Variants in USP54 observed in about 807,000 individuals in gnomAD.
USP54 encodes ubiquitin carboxyl-terminal hydrolase 54.
USP54 carries 87 observed loss-of-function variants against 170.5 expected under a neutral mutation model. The ratio of observed to expected loss-of-function variants is 0.51; its 90% CI spans 0.43 to 0.61. The LOEUF (loss-of-function observed/expected upper bound fraction) is 0.61. Among genes scored for constraint, USP54 ranks in the 20% least tolerant of loss-of-function variants. USP54 has a pLI of 0.00. For synonymous variants in USP54, 655 were observed against 742.8 expected, an observed-to-expected ratio of 0.88 and a Z score of 1.92; for missense variants, 1,786 against 2,047.8, an observed-to-expected ratio of 0.87 and a Z score of 2.47.
At chr10:73,576,548 GA>G (rs148172640) in intron 1 of USP54, among the ~76,000 whole-genome samples, 187 bp from the exon 2 acceptor site, 5,286 of 149,810 alleles carry the variant, frequency 0.035, 153 homozygotes, top group South Asian at 0.12. Context: ...TAAAGAGAAG[GA>G]AAAAAAGGTA....
chr10:73,571,462 G>A lies in USP54; in HGVS notation c.199C>T (p.His67Tyr), dbSNP rs2075188391. The A allele has an allele frequency of 2.5e-6, 4 of 1,614,020 alleles. No individual in the cohort carries two copies. The highest frequency in any genetic ancestry group is 2.2e-5 in the South Asian group (2 of 91,056). The change falls in exon 4 of 24, where the codon CAC (histidine) becomes TAC (tyrosine). Residue 67 changes from histidine (H) to tyrosine (Y), a missense_variant. By Grantham distance (83) the His-to-Tyr change is moderately conservative. Transcript: ENST00000687698. ...ATGCAGGAATCTCCCATGCACTTGT[G>A]AGTTGTAAGCTGCCTAAAGCTACGT... Reference protein sequence around the residue: ...FRRSFRQLTTHKCMGDSCIFC... With the variant: ...FRRSFRQLTTYKCMGDSCIFC...
chr10:73,521,962 A>C (rs1053580742), intron 17 of USP54, among the ~76,000 whole-genome samples: 1 of 152,202 alleles, frequency 6.6e-6, no homozygotes, highest in Non-Finnish European at 1.5e-5. Flanking sequence ...GCAAGCTGTA[A>C]TGTAATTTCA....
rs2066629537 is a variant in USP54, at chr10:73,541,716, C to T, written c.595G>A (p.Glu199Lys). 6.2e-7 allele frequency: 1 copy of T among 1,614,026 alleles called. No individual in the cohort carries two copies. The highest frequency in any genetic ancestry group is 1.7e-5 in the Admixed American group (1 of 59,988). Residue 199 changes from glutamate to lysine, a missense_variant, in exon 8 of 24, where the codon GAA becomes AAA. Glu to Lys is a moderately conservative substitution (Grantham distance 56, BLOSUM62 1). This residue lies in a region of USP54 where 361 missense variants were observed against 455.0 expected (regional missense o/e 0.79). Transcript: ENST00000687698. Reference protein sequence around the residue: ...SLCNQAICMLERREKPSPSMF... With the variant: ...SLCNQAICMLKRREKPSPSMF... ...CTTGGTGAAGGTTTCTCTCGTCTTT[C>T]CAGCATACAAATAGCCTGATTGCTT... is the stretch of plus-strand genomic sequence containing the variant.
intron 4 of USP54, among the ~76,000 whole-genome samples, chr10:73,568,843 C>T (rs1174218825): frequency 1.3e-5 from 2 of 152,200 alleles, no homozygotes; most frequent in Non-Finnish European, 2.9e-5. Context: ...AACAAATTGA[C>T]AATTTCCCTT....
intron 1 of USP54, among the ~76,000 whole-genome samples, chr10:73,607,550 G>T (rs943116433): frequency 2.6e-5 from 4 of 151,992 alleles, no homozygotes; most frequent in African/African-American, 7.2e-5. Flanking sequence ...TAAGAAGTAG[G>T]CCGGGTACGG....
chr10:73,550,549 G>A (rs752281299), intron 4 of USP54, among the ~76,000 whole-genome samples: 14 of 152,150 alleles, frequency 9.2e-5, no homozygotes, highest in Non-Finnish European at 2.1e-4. Flanking sequence ...GAGAATATAA[G>A]ACATAAATCT....
At chr10:73,525,920 A>G (rs2062764809) in intron 16 of USP54, among the ~76,000 whole-genome samples, 1 of 152,246 alleles carries the variant, frequency 6.6e-6, no homozygotes, top group South Asian at 2.1e-4. Flanking sequence ...GGGTAAGGAT[A>G]AATTTGAATT....
At position 73,552,665 on chromosome 10, in the gene USP54, C is replaced by T. The variant is rs530914958; in HGVS notation, c.241-6993G>A. 1.3e-5 allele frequency among the ~76,000 whole-genome samples: 2 copies of T among 152,152 alleles called. 1 individual carries two copies. Among genetic ancestry groups the T allele is most frequent in the South Asian group, 4.1e-4 (2 of 4,820 alleles). ...AATTAGCCAGGTGTGGTGGCAATCA[C>T]CTGTAATCCCAGCTACTCAGGAGGC... On this transcript the variant is annotated intron_variant, in intron 4 of 23. Transcript: ENST00000687698.
intron 20 of USP54, 99 bp downstream of exon 20, chr10:73,516,276 G>C (rs1036498168): frequency 2.3e-6 from 3 of 1,288,442 alleles, no homozygotes; most frequent in African/African-American, 3.0e-5. Flanking sequence ...TACTAAGCTG[G>C]GGATAGTATC....
At chr10:73,572,017 A>G (rs1178205632) in intron 3 of USP54, among the ~76,000 whole-genome samples, 3 of 152,186 alleles carry the variant, frequency 2.0e-5, no homozygotes, top group Non-Finnish European at 4.4e-5. Context: ...TTTTGTTGAA[A>G]TGGGAAAAAA....
intron 4 of USP54, among the ~76,000 whole-genome samples, chr10:73,551,220 G>C (rs113873025): frequency 3.9e-5 from 6 of 152,286 alleles, no homozygotes; most frequent in African/African-American, 1.2e-4. Context: ...CTGCTATTAT[G>C]TTCCTACAAA....
intron 4 of USP54, among the ~76,000 whole-genome samples, chr10:73,549,653 G>C (rs1177068998): frequency 6.6e-6 from 1 of 151,876 alleles, no homozygotes; most frequent in Non-Finnish European, 1.5e-5. Context: ...AATATATCTA[G>C]ACCCTACACT....
chr10:73,516,036 C>A (rs2061021078), intron 20 of USP54: 1 of 184,672 alleles, frequency 5.4e-6, no homozygotes, highest in South Asian at 1.5e-4. Context: ...CCCGCCTCGA[C>A]CTCCCAAAGT....
chr10:73,574,984 T>C (rs189014964), intron 3 of USP54, among the ~76,000 whole-genome samples: 75 of 152,206 alleles, frequency 4.9e-4, no homozygotes, highest in African/African-American at 1.7e-3. Flanking sequence ...CCCAGCACTT[T>C]GGGAGGCCAA....
intron 4 of USP54, among the ~76,000 whole-genome samples, chr10:73,567,535 G>A (rs2074123600): frequency 6.6e-6 from 1 of 152,040 alleles, no homozygotes; most frequent in African/African-American, 2.4e-5. Context: ...AGCTGGGCGT[G>A]GTAGTGGGTG....
chr10:73,523,884 TTATTATTATTA>T (rs1564687457), intron 16 of USP54, 134 bp from the exon 17 acceptor site: 5,058 of 168,788 alleles, frequency 0.03, 323 homozygotes, highest in African/African-American at 0.11. Flanking sequence ...TTATTATTTA[TTATTATTATTA>T]TTATTATTAT....
At chr10:73,539,384 A>G (rs1429888579) in intron 10 of USP54, 60 bp downstream of exon 10, 3 of 1,419,476 alleles carry the variant, frequency 2.1e-6, no homozygotes, top group Non-Finnish European at 2.8e-6. Context: ...CTAAAGACAA[A>G]TGATTATTCT....
chr10:73,517,273 G>A lies in USP54; in HGVS notation c.3153C>T (p.His1051=), dbSNP rs2061212012. The change falls in exon 20 of 24, where the codon CAC becomes CAT. Residue 1051 remains histidine (H), a synonymous_variant. Coordinates refer to ENST00000687698, the MANE Select transcript of USP54 (RefSeq NM_001391956.1). The stretch of plus-strand genomic sequence containing the variant: ...AATTTGAAGGACTACAGCCTAGGCT[G>A]TGTTCATCACCCCTCTCAGAGGTGG... ...GIATSERGDE[H]SLGCSPSNSS... The A allele has an allele frequency of 1.2e-6, 2 of 1,613,746 alleles. No individual in the cohort carries two copies. Among genetic ancestry groups the A allele is most frequent in the Admixed American group, 1.7e-5 (1 of 59,976 alleles).
intron 1 of USP54, among the ~76,000 whole-genome samples, chr10:73,600,628 CA>C (rs1192247609): frequency 6.6e-6 from 1 of 152,152 alleles, no homozygotes; most frequent in Non-Finnish European, 1.5e-5. Flanking sequence ...AACTACCTAT[CA>C]GGGGCCAGGC....
Sources: gnomAD v4.1 joint callset for allele counts (sites outside exome capture counted in the v4.1 genomes callset) on GRCh38, gnomAD v4.1.1 for gene constraint, gnomAD v4.1.1 regional missense constraint, MANE v1.5 for transcripts, NCBI Gene and HGNC (gene_info 2026-07-23, HGNC 2026-07-21) for gene names.